The following SPATA13 variants were observed in gnomAD, a reference collection of about 807,000 sequenced individuals.
SPATA13 encodes spermatogenesis associated 13, also known as spermatogenesis-associated protein 13.
In SPATA13, 50 loss-of-function variants were observed where a neutral mutation model predicts 104.0. The ratio of observed to expected loss-of-function variants is 0.48; its 90% CI spans 0.38 to 0.61. SPATA13 has a LOEUF of 0.61. Among genes scored for constraint, SPATA13 ranks in the 20% least tolerant of loss-of-function variants. The pLI is 0.00. For missense variants in SPATA13, 1,524 were observed against 1,690.6 expected, an observed-to-expected ratio of 0.90 and a Z score of 1.73; for synonymous variants, 606 against 667.5, an observed-to-expected ratio of 0.91 and a Z score of 1.42.
chr13:24,149,434 T>A (rs1882031947), intron 3 of SPATA13, among the ~76,000 whole-genome samples: 1 of 152,228 alleles, frequency 6.6e-6, no homozygotes, highest in Admixed American at 6.5e-5. Context: ...ATTTTGCCTG[T>A]CTTCTGTTCC....
intron 3 of SPATA13, among the ~76,000 whole-genome samples, chr13:24,078,267 G>A (rs1356398958): frequency 2.6e-5 from 4 of 152,198 alleles, no homozygotes; most frequent in African/African-American, 9.7e-5. Context: ...AGCCAGACAC[G>A]CCTCTGTTTG....
intron 9 of SPATA13, among the ~76,000 whole-genome samples, chr13:24,292,384 G>A (rs1391349364): frequency 6.6e-6 from 1 of 152,204 alleles, no homozygotes; most frequent in Non-Finnish European, 1.5e-5. Context: ...TAGGGCAACT[G>A]CTATGTGCCA....
At position 24,081,513 on chromosome 13, in the gene SPATA13, T is replaced by TA. The variant is rs553241190; in HGVS notation, c.-112+63822dup. Reference sequence around the variant, plus strand: ...CTGTAGGTCTCATTCTATTTCTTACTAAAAAAAAAAGCTGGCCCAGTGTGA... The same window carrying TA: ...CTGTAGGTCTCATTCTATTTCTTACTAAAAAAAAAAAGCTGGCCCAGTGTGA... On this transcript the variant is annotated intron_variant, in intron 3 of 14. Coordinates refer to the SPATA13 transcript ENST00000424834. Among the ~76,000 whole-genome samples the TA allele has an allele frequency of 9.3e-3, 1,362 of 145,812 alleles. 57 individuals carry two copies. Among genetic ancestry groups the TA allele is most frequent in the Admixed American group, 0.064 (943 of 14,622 alleles).
Position 24,297,751 on chromosome 13 carries a change from C to A in SPATA13, c.3583+16C>A, listed in dbSNP as rs769101152. Reference sequence around the variant, plus strand: ...AAGGAGATGGGTGAGCAGCCCTTGGCTCTGCAGGCACCTGTGCCTCTGCTT... The same window carrying A: ...AAGGAGATGGGTGAGCAGCCCTTGGATCTGCAGGCACCTGTGCCTCTGCTT... On this transcript the variant is annotated intron_variant, in intron 11 of 12. Transcript: ENST00000382108. 1.3e-6 allele frequency: 2 copies of A among 1,596,838 alleles called. No individual in the cohort carries two copies. The highest frequency in any genetic ancestry group is 2.7e-5 in the African/African-American group (2 of 74,580).
rs145716754 is a variant in SPATA13, at chr13:24,289,041, G to T, written c.2710G>T (p.Val904Phe). 3.1e-6 allele frequency: 5 copies of T among 1,613,680 alleles called. No individual in the cohort carries two copies. Among genetic ancestry groups the T allele is most frequent in the Non-Finnish European group, 4.2e-6 (5 of 1,179,938 alleles). The change falls in exon 8 of 13, where the codon GTT (valine) becomes TTT (phenylalanine). Residue 904 changes from valine (V) to phenylalanine (F), a missense_variant. Physicochemically the swap from Val to Phe is conservative, Grantham distance 50 (BLOSUM62 -1). This residue lies in a region of SPATA13 where 435 missense variants were observed against 554.8 expected (regional missense o/e 0.78). Coordinates refer to ENST00000382108, the MANE Select transcript of SPATA13 (RefSeq NM_001166271.3). ...CCGCAAGCACACAGGAATGTTCACC[G>T]TTGCGCAGCTAGCCACTATTTTTGG... ...QCRKHTGMFT[V>F]AQLATIFGNI...
chr13:24,131,168 T>C (rs1881380105), intron 3 of SPATA13, among the ~76,000 whole-genome samples: 1 of 152,266 alleles, frequency 6.6e-6, no homozygotes, highest in Non-Finnish European at 1.5e-5. Context: ...AGTCCACTTA[T>C]TAGGTGGCTG....
intron 4 of SPATA13, among the ~76,000 whole-genome samples, chr13:24,282,671 CCA>C (rs1418147995): frequency 6.6e-6 from 1 of 152,232 alleles, no homozygotes; most frequent in Non-Finnish European, 1.5e-5. Context: ...AGCTCTTCCT[CCA>C]CGTCGTAGCA....
intron 1 of SPATA13, among the ~76,000 whole-genome samples, chr13:24,212,280 G>A (rs377121531): frequency 4.0e-5 from 5 of 124,720 alleles, no homozygotes; most frequent in East Asian, 2.4e-4. Flanking sequence ...GGGTGACAGA[G>A]TGAGACCCTG....
chr13:24,144,176 G>A (rs534893529), intron 3 of SPATA13, among the ~76,000 whole-genome samples: 63 of 152,288 alleles, frequency 4.1e-4, no homozygotes, highest in African/African-American at 1.3e-3. Context: ...AAGATGCTAA[G>A]CCCCTGCCTC....
At chr13:24,186,513 G>C (rs1001260760) in intron 1 of SPATA13, among the ~76,000 whole-genome samples, 2 of 152,142 alleles carry the variant, frequency 1.3e-5, no homozygotes, top group Non-Finnish European at 2.9e-5. Flanking sequence ...AATAAAAATA[G>C]GACATCAACA....
chr13:24,066,417 C>T (rs906001056), intron 3 of SPATA13, among the ~76,000 whole-genome samples: 3 of 152,188 alleles, frequency 2.0e-5, no homozygotes, highest in Admixed American at 6.5e-5. Flanking sequence ...TCATACGGCC[C>T]GGAGGTGAGA....
intron 4 of SPATA13, among the ~76,000 whole-genome samples, chr13:24,269,221 A>G (rs1874436547): frequency 6.6e-6 from 1 of 152,190 alleles, no homozygotes; most frequent in South Asian, 2.1e-4. Context: ...CAGATGTGGA[A>G]AGAGAGCTGC....
At chr13:24,118,354 C>A (rs1012790153) in intron 3 of SPATA13, among the ~76,000 whole-genome samples, 5 of 152,106 alleles carry the variant, frequency 3.3e-5, no homozygotes, top group African/African-American at 1.2e-4. Context: ...TTATGCATTG[C>A]TGAAAATTAC....
At chr13:24,070,259 G>T (rs1052250723) in intron 3 of SPATA13, among the ~76,000 whole-genome samples, 1 of 152,164 alleles carries the variant, frequency 6.6e-6, no homozygotes, top group African/African-American at 2.4e-5. Flanking sequence ...GTCTGCTTGG[G>T]CAACAGAAAT....
At chr13:24,087,868 G>A (rs1399675010) in intron 3 of SPATA13, among the ~76,000 whole-genome samples, 1 of 152,184 alleles carries the variant, frequency 6.6e-6, no homozygotes, top group Non-Finnish European at 1.5e-5. Context: ...ACCCAAGAGG[G>A]CTGGTGACCA....
At chr13:24,256,823 A>G (rs1021756607) in intron 4 of SPATA13, among the ~76,000 whole-genome samples, 3 of 152,224 alleles carry the variant, frequency 2.0e-5, no homozygotes, top group African/African-American at 7.2e-5. Flanking sequence ...TTTCAGTGGC[A>G]CTTATTGGAG....
intron 3 of SPATA13, among the ~76,000 whole-genome samples, chr13:24,149,843 A>G (rs1287885553): frequency 6.6e-6 from 1 of 152,140 alleles, no homozygotes; most frequent in Non-Finnish European, 1.5e-5. Flanking sequence ...GTGGGTGCTG[A>G]GGCCTGACAG....
Position 24,286,144 on chromosome 13 carries a change from AC to A in SPATA13, c.2302-68del. 1 of 1,442,680 alleles carries A rather than the reference AC, an allele frequency of 6.9e-7. No homozygotes were observed. Among genetic ancestry groups the A allele is most frequent in the Non-Finnish European group, 9.4e-7 (1 of 1,058,360 alleles). 89.4% of individuals were successfully genotyped at this position (1,442,680 alleles called of 1,614,324 possible). On this transcript the variant is annotated intron_variant, in intron 5 of 12. Coordinates refer to ENST00000382108, the MANE Select transcript of SPATA13 (RefSeq NM_001166271.3). This position sits in a 1 kb window ranked among gnomAD's most constrained non-coding sequence, Gnocchi z 4.9. ...TACCAGTGTCACCCTGAGAGAGTGC[AC>A]CTAGTGGCTCCCTCACCATCCCGCC...
At chr13:24,156,881 T>A (rs527704017), upstream of SPATA13, among the ~76,000 whole-genome samples, 1 of 152,356 alleles carries the variant, frequency 6.6e-6, no homozygotes, top group African/African-American at 2.4e-5. Flanking sequence ...GGGTCTTGCC[T>A]TATGTGCCAG....
Sources: gnomAD v4.1 joint callset for allele counts (sites outside exome capture counted in the v4.1 genomes callset) on GRCh38, gnomAD v4.1.1 for gene constraint, gnomAD v4.1.1 regional missense constraint, Gnocchi (gnomAD v3.1) non-coding constraint, MANE v1.5 for transcripts, NCBI Gene and HGNC (gene_info 2026-07-23, HGNC 2026-07-21) for gene names.